Variants in NSUN3 observed in about 807,000 individuals in gnomAD.
NSUN3 encodes tRNA (cytosine(34)-C(5))-methyltransferase, mitochondrial.
A neutral mutation model predicts 36.8 loss-of-function variants in NSUN3; 24 were observed. The ratio of observed to expected loss-of-function variants is 0.65; its 90% CI spans 0.47 to 0.92. NSUN3 has a LOEUF of 0.92. Ranked by LOEUF, NSUN3 falls within the 40% of genes least tolerant of loss-of-function variation. The probability of loss-of-function intolerance (pLI) is 0.00; values close to 1 mark genes in which losing one functional copy is unlikely to be tolerated. For missense variants in NSUN3, 381 were observed against 392.8 expected (o/e 0.97, Z 0.25); for synonymous variants, 146 against 145.2 (o/e 1.01, Z -0.04).
intron 5 of NSUN3, among the ~76,000 whole-genome samples, chr3:94,097,218 A>G (rs934331931): frequency 4.6e-5 from 7 of 152,248 alleles, no homozygotes; most frequent in African/African-American, 1.7e-4. Context: ...AATAATACAA[A>G]TGAAGCAAAA....
intron 5 of NSUN3, among the ~76,000 whole-genome samples, chr3:94,112,261 A>G (rs1409187314): frequency 6.6e-6 from 1 of 152,138 alleles, no homozygotes; most frequent in African/African-American, 2.4e-5. Flanking sequence ...TCTGAATATC[A>G]TGGTTCAGCC....
rs189832549 is a variant in NSUN3, at chr3:94,118,778, G to A, written c.744-7433G>A. Among the ~76,000 whole-genome samples the A allele has an allele frequency of 4.7e-5, 7 of 148,994 alleles. No homozygotes were observed. The East Asian group carries it at 5.9e-4, about 12-fold the overall frequency. ...CAACCTGTCTTTTTTTTTCTTCTTC[G>A]TTCTCTAATCCTGACTTGTCTTTTT... On this transcript the variant is annotated intron_variant, in intron 5 of 5. Transcript: ENST00000314622.
At chr3:94,076,436 T>C in intron 2 of NSUN3, 1 of 792,306 alleles carries the variant, frequency 1.3e-6, no homozygotes, top group South Asian at 1.3e-5. Context: ...TTTCTGATGA[T>C]CAGCAACTGA....
At chr3:94,114,392 C>T (rs902350984) in intron 5 of NSUN3, among the ~76,000 whole-genome samples, 1 of 152,062 alleles carries the variant, frequency 6.6e-6, no homozygotes, top group East Asian at 1.9e-4. Context: ...AGACTATTTA[C>T]CTTGTACATC....
At chr3:94,124,365 G>A (rs1456034281) in intron 5 of NSUN3, among the ~76,000 whole-genome samples, 1 of 151,958 alleles carries the variant, frequency 6.6e-6, no homozygotes, top group African/African-American at 2.4e-5. Context: ...GACCTCAGGT[G>A]ATCCATCTGC....
intron 2 of NSUN3, chr3:94,077,035 G>A (rs925181673): frequency 2.4e-6 from 2 of 818,460 alleles, no homozygotes; most frequent in African/African-American, 1.7e-5. Flanking sequence ...AAGCCACTGG[G>A]CAGTTAGGCT....
At chr3:94,109,027 A>G (rs1039212923) in intron 5 of NSUN3, among the ~76,000 whole-genome samples, 2 of 152,252 alleles carry the variant, frequency 1.3e-5, no homozygotes, top group African/African-American at 4.8e-5. Context: ...TATGTAAAAA[A>G]TACAAAATGA....
At chr3:94,080,736 T>C (rs1162266446) in intron 2 of NSUN3, among the ~76,000 whole-genome samples, 1 of 152,184 alleles carries the variant, frequency 6.6e-6, no homozygotes, top group Non-Finnish European at 1.5e-5. Context: ...GCCTCAGTAA[T>C]GGCGGACGCC....
chr3:94,104,775 G>A (rs113123059), intron 5 of NSUN3, among the ~76,000 whole-genome samples: 197 of 152,198 alleles, frequency 1.3e-3, no homozygotes, highest in African/African-American at 4.5e-3. Context: ...ATAGAAGAAA[G>A]CAATTGAGAA....
chr3:94,069,434 A>G (rs902343400), intron 2 of NSUN3, among the ~76,000 whole-genome samples: 2 of 152,232 alleles, frequency 1.3e-5, no homozygotes, highest in Admixed American at 6.5e-5. Flanking sequence ...GTGGATAATA[A>G]TAGCACTAAA....
intron 3 of NSUN3, among the ~76,000 whole-genome samples, chr3:94,087,261 A>G (rs1278337271): frequency 6.6e-6 from 1 of 152,250 alleles, no homozygotes; most frequent in Non-Finnish European, 1.5e-5. Flanking sequence ...TGTAGAAGCA[A>G]TACTAATCAA....
chr3:94,066,714 T>C (rs2077205201), intron 2 of NSUN3, among the ~76,000 whole-genome samples: 1 of 152,190 alleles, frequency 6.6e-6, no homozygotes, highest in South Asian at 2.1e-4. Flanking sequence ...TGTGAGGTTC[T>C]TCCTAAGATT....
chr3:94,109,616 G>A (rs1011403538), intron 5 of NSUN3, among the ~76,000 whole-genome samples: 1 of 152,188 alleles, frequency 6.6e-6, no homozygotes, highest in Admixed American at 6.5e-5. Context: ...TGCACATCCG[G>A]TTTGATGATG....
chr3:94,075,141 C>T (rs2077241113), intron 2 of NSUN3, among the ~76,000 whole-genome samples: 1 of 151,470 alleles, frequency 6.6e-6, no homozygotes, highest in Non-Finnish European at 1.5e-5. Context: ...ATTTTTAAAA[C>T]AAATACAAGT....
intron 5 of NSUN3, among the ~76,000 whole-genome samples, chr3:94,110,445 C>T (rs1050874673): frequency 6.6e-6 from 1 of 151,954 alleles, no homozygotes; most frequent in African/African-American, 2.4e-5. Flanking sequence ...TTGCTGAATT[C>T]TCAGTAGGCT....
chr3:94,117,960 A>C (rs1318337929), intron 5 of NSUN3, among the ~76,000 whole-genome samples: 1 of 152,164 alleles, frequency 6.6e-6, no homozygotes, highest in Non-Finnish European at 1.5e-5. Flanking sequence ...TACTTCCTCC[A>C]ATGAAGAGAA....
chr3:94,077,450 C>G (rs529901244), intron 2 of NSUN3, among the ~76,000 whole-genome samples: 113 of 152,292 alleles, frequency 7.4e-4, no homozygotes, highest in African/African-American at 2.7e-3. Context: ...ATGCTGGCCT[C>G]ATAAAATGAG....
intron 2 of NSUN3, among the ~76,000 whole-genome samples, chr3:94,066,350 A>G (rs1425368553): frequency 6.6e-6 from 1 of 152,240 alleles, no homozygotes; most frequent in Non-Finnish European, 1.5e-5. Flanking sequence ...TAGTCTGAGC[A>G]TGGAAGATGG....
chr3:94,104,070 A>G (rs747284513), intron 5 of NSUN3, among the ~76,000 whole-genome samples: 1 of 152,202 alleles, frequency 6.6e-6, no homozygotes, highest in Non-Finnish European at 1.5e-5. Flanking sequence ...AGGATTGCCT[A>G]TGGTAAATAC....
Sources: gnomAD v4.1 joint callset for allele counts (sites outside exome capture counted in the v4.1 genomes callset) on GRCh38, gnomAD v4.1.1 for gene constraint, MANE v1.5 for transcripts, NCBI Gene and HGNC (gene_info 2026-07-23, HGNC 2026-07-21) for gene names.